The following TAFA1 variants were observed in gnomAD, a reference collection of about 807,000 sequenced individuals.
TAFA1 encodes the protein TAFA chemokine like family member 1.
TAFA1 carries 4 observed loss-of-function variants against 18.5 expected under a neutral mutation model. The observed-to-expected ratio is 0.22, with a 90% CI of 0.11 to 0.49. The LOEUF is 0.49. Among genes scored for constraint, TAFA1 ranks in the 20% least tolerant of loss-of-function variants. The probability of loss-of-function intolerance (pLI) is 0.98; values close to 1 mark genes in which losing one functional copy is unlikely to be tolerated. For synonymous variants in TAFA1, 56 were observed against 55.2 expected, an observed-to-expected ratio of 1.01 and a Z score of -0.06; for missense variants, 147 against 169.0, an observed-to-expected ratio of 0.87 and a Z score of 0.72.
chr3:68,388,700 C>T (rs2070160486), intron 2 of TAFA1, among the ~76,000 whole-genome samples: 2 of 152,020 alleles, frequency 1.3e-5, no homozygotes, highest in Non-Finnish European at 1.5e-5. Context: ...CTGAAACTGA[C>T]AACTCTACTG....
intron 2 of TAFA1, among the ~76,000 whole-genome samples, chr3:68,042,083 A>G (rs1029769172): frequency 5.3e-5 from 8 of 152,348 alleles, no homozygotes; most frequent in Admixed American, 5.2e-4. Context: ...AGACCTGGCC[A>G]CAATGAGCCT....
At chr3:68,171,799 A>G (rs1048784430) in intron 2 of TAFA1, among the ~76,000 whole-genome samples, 1 of 152,276 alleles carries the variant, frequency 6.6e-6, no homozygotes, top group South Asian at 2.1e-4. Context: ...CAAAAACTGT[A>G]ATGAAAAAAA....
chr3:68,197,575 T>A (rs558619852), intron 2 of TAFA1, among the ~76,000 whole-genome samples: 198 of 151,536 alleles, frequency 1.3e-3, no homozygotes, highest in Middle Eastern at 3.4e-3. Context: ...TCAATGCCTT[T>A]TTTTTTTAAT....
chr3:68,433,393 A>G (rs1210723831), intron 3 of TAFA1, among the ~76,000 whole-genome samples: 2 of 152,064 alleles, frequency 1.3e-5, no homozygotes, highest in Non-Finnish European at 2.9e-5. Flanking sequence ...TTATTGCCTG[A>G]AGTCTTTATC....
intron 2 of TAFA1, among the ~76,000 whole-genome samples, chr3:68,342,374 TTCTTTAA>T: frequency 6.6e-6 from 1 of 152,336 alleles, no homozygotes; most frequent in Non-Finnish European, 1.5e-5. Flanking sequence ...TCTGGGGAGT[TTCTTTAA>T]TCAGCTCCGA....
intron 2 of TAFA1, among the ~76,000 whole-genome samples, chr3:68,378,662 G>T (rs1391969426): frequency 2.6e-5 from 4 of 152,134 alleles, no homozygotes; most frequent in Non-Finnish European, 4.4e-5. Context: ...GGATGGTATG[G>T]TTTGGCTCTG....
chr3:68,491,723 G>A (rs2072457473), intron 3 of TAFA1, among the ~76,000 whole-genome samples: 1 of 151,976 alleles, frequency 6.6e-6, no homozygotes, highest in East Asian at 1.9e-4. Context: ...AGTGGAAAGG[G>A]ATCCTGAAAC....
intron 3 of TAFA1, among the ~76,000 whole-genome samples, chr3:68,515,886 C>G (rs190962066): frequency 6.6e-6 from 1 of 152,340 alleles, no homozygotes; most frequent in East Asian, 1.9e-4. Flanking sequence ...ACGAGCTCCT[C>G]TTGAAATTAG....
At chr3:68,352,785 A>T (rs1368150649) in intron 2 of TAFA1, among the ~76,000 whole-genome samples, 1 of 152,024 alleles carries the variant, frequency 6.6e-6, no homozygotes, top group Non-Finnish European at 1.5e-5. Context: ...TGTCAGTGAT[A>T]GGCCTGGGGA....
intron 2 of TAFA1, among the ~76,000 whole-genome samples, chr3:68,112,570 G>A (rs1328724407): frequency 1.3e-5 from 2 of 151,872 alleles, no homozygotes; most frequent in African/African-American, 4.8e-5. Flanking sequence ...TAGAGTCTGG[G>A]ACTAACAAAA....
chr3:68,522,272 A>G (rs1395547273), intron 3 of TAFA1, among the ~76,000 whole-genome samples: 1 of 152,208 alleles, frequency 6.6e-6, no homozygotes, highest in Admixed American at 6.5e-5. Flanking sequence ...GAGATCTGAT[A>G]TAAATCATTT....
chr3:68,079,946 C>T (rs1419859283), intron 2 of TAFA1, among the ~76,000 whole-genome samples: 1 of 151,852 alleles, frequency 6.6e-6, no homozygotes, highest in African/African-American at 2.4e-5. Context: ...GTGTGGGAGT[C>T]TAAGTCTCTT....
At chr3:68,514,151 C>T (rs2072887866) in intron 3 of TAFA1, among the ~76,000 whole-genome samples, 1 of 152,046 alleles carries the variant, frequency 6.6e-6, no homozygotes, top group Non-Finnish European at 1.5e-5. Context: ...AAAGGCCCTC[C>T]TCCTAACACT....
At chr3:68,377,351 G>C (rs2069838516) in intron 2 of TAFA1, among the ~76,000 whole-genome samples, 1 of 152,188 alleles carries the variant, frequency 6.6e-6, no homozygotes, top group Admixed American at 6.5e-5. Context: ...TCCAGACTTA[G>C]GTGGTCTTAG....
At chr3:68,224,862 T>TGTTTGACTTTTCCAAAAC (rs1559565209) in intron 2 of TAFA1, among the ~76,000 whole-genome samples, 1 of 151,250 alleles carries the variant, frequency 6.6e-6, no homozygotes, top group Admixed American at 6.6e-5. Context: ...CCTCCCTTGC[T>TGTTTGACTTTTCCAAAAC]GTTTGACTTT....
chr3:68,037,715 A>T (rs908832428), intron 2 of TAFA1, among the ~76,000 whole-genome samples: 4 of 152,160 alleles, frequency 2.6e-5, no homozygotes, highest in Non-Finnish European at 5.9e-5. Flanking sequence ...AAACAGTAAG[A>T]TTTGCATTTT....
intron 3 of TAFA1, among the ~76,000 whole-genome samples, chr3:68,538,326 C>T (rs968850992): frequency 2.6e-5 from 4 of 152,106 alleles, no homozygotes; most frequent in Non-Finnish European, 1.5e-5. Flanking sequence ...AACTTTGTGG[C>T]CTTTCATTAG....
In TAFA1 at chr3:68,145,027, A is replaced by G. The variant is rs576075050; in HGVS notation, c.118+138283A>G. 6 of 1,602,610 alleles carry G rather than the reference A, an allele frequency of 3.7e-6. No homozygotes were observed. The African/African-American group carries it at 8.0e-5, about 21-fold the overall frequency. On this transcript the variant is annotated intron_variant, in intron 2 of 4. Coordinates refer to ENST00000478136, the MANE Select transcript of TAFA1 (RefSeq NM_213609.4). ...AGATGCCAGTGGCGGTGATGGCAGA[A>G]AGCGCCTTTAGTTTCAAAAAGTTGC...
Position 68,269,580 on chromosome 3 carries a change from T to C in TAFA1, c.119-147700T>C, listed in dbSNP as rs1030321442. 1.1e-3 allele frequency among the ~76,000 whole-genome samples: 168 copies of C among 152,206 alleles called. 1 individual carries two copies. The highest frequency in any genetic ancestry group is 4.0e-4 in the Non-Finnish European group (27 of 67,990). On this transcript the variant is annotated intron_variant, in intron 2 of 4. Coordinates refer to ENST00000478136, the MANE Select transcript of TAFA1 (RefSeq NM_213609.4). The stretch of plus-strand genomic sequence containing the variant: ...ATGCTACTGACACCAGGGCAACACT[T>C]TGAGAAGTTTCAAGACAATGGTCCA...
Sources: gnomAD v4.1 joint callset for allele counts (sites outside exome capture counted in the v4.1 genomes callset) on GRCh38, gnomAD v4.1.1 for gene constraint, MANE v1.5 for transcripts, NCBI Gene and HGNC (gene_info 2026-07-23, HGNC 2026-07-21) for gene names.